Variants in RBM19 observed in about 807,000 individuals in gnomAD.
RBM19 encodes the protein probable RNA-binding protein 19.
Under a neutral mutation model 116.8 loss-of-function variants are expected in RBM19, and 94 were observed. The observed-to-expected ratio is 0.80, with a 90% CI of 0.68 to 0.95. The LOEUF (loss-of-function observed/expected upper bound fraction) is 0.95. RBM19 is among the 40% of genes least tolerant of loss of function. The probability of loss-of-function intolerance (pLI) is 0.00; values close to 1 mark genes in which losing one functional copy is unlikely to be tolerated. For missense variants in RBM19, 1,161 were observed against 1,220.7 expected, an observed-to-expected ratio of 0.95 and a Z score of 0.73; for synonymous variants, 475 against 494.1, an observed-to-expected ratio of 0.96 and a Z score of 0.51.
Position 113,837,555 on chromosome 12 carries a change from G to A in RBM19, c.2785+7113C>T, listed in dbSNP as rs541798841. ...CCACCGTTTCCCTAACGAGGTGGGC[G>A]CTGTGGCCCCATCGTACCAATGACG... On this transcript the variant is annotated intron_variant, in intron 23 of 23. Transcript: ENST00000261741. Among the ~76,000 whole-genome samples the A allele has an allele frequency of 6.4e-4, 98 of 152,334 alleles. 1 individual carries two copies. The highest frequency in any genetic ancestry group is 1.1e-3 in the Non-Finnish European group (72 of 68,034).
rs745796694 is a variant in RBM19, at chr12:113,957,847, T to C, written c.775A>G (p.Lys259Glu). Residue 259 changes from lysine (K) to glutamate (E), a missense_variant, in exon 6 of 24, where the codon AAG (lysine) becomes GAG (glutamate). By Grantham distance (56) the Lys-to-Glu change is moderately conservative. Coordinates refer to ENST00000261741, the MANE Select transcript of RBM19 (RefSeq NM_016196.4). ...ATCCCTTGCTCTTGGCCTGCACCCT[T>C]GCTGTCTCTTTCCTGCAGGACTGGG... ...ATPVLQERDSKGAGQEQGMPA... is the reference protein window; with the variant it reads ...ATPVLQERDSEGAGQEQGMPA... 1.1e-5 allele frequency: 17 copies of C among 1,614,042 alleles called. No individual in the cohort carries two copies. The highest frequency in any genetic ancestry group is 1.4e-5 in the Non-Finnish European group (16 of 1,179,946).
At chr12:113,833,859 T>C (rs138293143) in intron 23 of RBM19, among the ~76,000 whole-genome samples, 4,085 of 152,230 alleles carry the variant, frequency 0.027, 179 homozygotes, top group African/African-American at 0.093. Flanking sequence ...TCCTCCCACC[T>C]CAGCCTCCCG....
At chr12:113,823,405 A>G in intron 23 of RBM19, 84 bp from the exon 24 acceptor site, 3 of 1,209,064 alleles carry the variant, frequency 2.5e-6, no homozygotes, top group Non-Finnish European at 3.6e-6. Context: ...CAGAGGAAGG[A>G]GGGAGAGGGG....
In RBM19 at chr12:113,828,579, G is replaced by T. The variant is rs144760322; in HGVS notation, c.2786-5258C>A. The stretch of plus-strand genomic sequence containing the variant: ...GGCAGAGTGTGGAGGCCAGAATGAG[G>T]CTCCACAATCTTCAGACTCAGTGGT... On this transcript the variant is annotated intron_variant, in intron 23 of 23. Coordinates refer to ENST00000261741, the MANE Select transcript of RBM19 (RefSeq NM_016196.4). Among the ~76,000 whole-genome samples the T allele has an allele frequency of 9.3e-3, 1,411 of 152,252 alleles. 24 individuals carry two copies. Among genetic ancestry groups the T allele is most frequent in the African/African-American group, 0.033 (1,352 of 41,536 alleles).
chr12:113,966,024 G>A (rs979348556), intron 1 of RBM19, 168 bp downstream of exon 1: 2 of 709,420 alleles, frequency 2.8e-6, no homozygotes, highest in Admixed American at 2.7e-5. Flanking sequence ...CTCTTTCCTC[G>A]GGATCAAATG....
In RBM19 at chr12:113,893,026, AT is replaced by A. The variant is rs35688045; in HGVS notation, c.2558+21942del. Among the ~76,000 whole-genome samples the A allele has an allele frequency of 2.6e-3, 364 of 141,056 alleles. 1 individual carries two copies. The highest frequency in any genetic ancestry group is 3.6e-3 in the Middle Eastern group (1 of 274). The allele number at this position is 141,056 out of a possible 152,430, so 92.5% of individuals were successfully genotyped here. ...CTCAATGACCACACTGTAACTATTGATTTTTTTTTTTTTTTTAATAAGAGAG... is the reference window on the plus strand; with the variant it reads ...CTCAATGACCACACTGTAACTATTGATTTTTTTTTTTTTTTAATAAGAGAG... On this transcript the variant is annotated intron_variant, in intron 21 of 23. Coordinates refer to ENST00000261741, the MANE Select transcript of RBM19 (RefSeq NM_016196.4).
chr12:113,882,627 G>T lies in RBM19; in HGVS notation c.2559-23731C>A, dbSNP rs1180800005. Among the ~76,000 whole-genome samples the T allele has an allele frequency of 2.6e-5, 4 of 152,260 alleles. No individual in the cohort carries two copies. In the East Asian group the frequency reaches 7.7e-4, roughly 29 times the overall value. ...TAAATGAGAGCTGGAGGCACGGGGGGAGGGAGAAGACTGAGAATTATGGGA... is the reference window on the plus strand; with the variant it reads ...TAAATGAGAGCTGGAGGCACGGGGGTAGGGAGAAGACTGAGAATTATGGGA... On this transcript the variant is annotated intron_variant, in intron 21 of 23. Coordinates refer to ENST00000261741, the MANE Select transcript of RBM19 (RefSeq NM_016196.4).
chr12:113,858,788 C>T lies in RBM19; in HGVS notation c.2664+3G>A. 5.6e-6 allele frequency: 9 copies of T among 1,613,840 alleles called. No individual in the cohort carries two copies. The highest frequency in any genetic ancestry group is 7.6e-6 in the Non-Finnish European group (9 of 1,179,894). On this transcript the variant is annotated splice_donor_region_variant and intron_variant, in intron 22 of 23. Transcript: ENST00000261741. ...CAGGTGGGGAAGGGATTCACGGTCT[C>T]ACCTTCGCATCCTGCTTGGTGAGGA...
chr12:113,948,189 C>T (rs1205018419), intron 10 of RBM19, among the ~76,000 whole-genome samples: 1 of 152,216 alleles, frequency 6.6e-6, no homozygotes, highest in Non-Finnish European at 1.5e-5. Context: ...TCTGAATAGA[C>T]ATGGGGAGAC....
intron 16 of RBM19, among the ~76,000 whole-genome samples, chr12:113,931,150 A>G (rs1869563897): frequency 6.6e-6 from 1 of 152,184 alleles, no homozygotes; most frequent in Non-Finnish European, 1.5e-5. Flanking sequence ...GTTTAAATGA[A>G]TTGTAAATTA....
rs1236226731 is a variant in RBM19, at chr12:113,959,420, C to A, written c.379-16G>T. 6.3e-7 allele frequency: 1 copy of A among 1,593,740 alleles called. No homozygotes were observed. Among genetic ancestry groups the A allele is most frequent in the Non-Finnish European group, 8.6e-7 (1 of 1,163,700 alleles). On this transcript the variant is annotated splice_polypyrimidine_tract_variant and intron_variant, in intron 4 of 23. Transcript: ENST00000261741. ...CCTCCTTCAGCTGGTGGCACCAGAA[C>A]CCGGGCGGCAGGGACACGGGAAAAA...
intron 23 of RBM19, among the ~76,000 whole-genome samples, chr12:113,833,984 G>T (rs1052683696): frequency 1.1e-4 from 17 of 152,136 alleles, no homozygotes; most frequent in African/African-American, 3.9e-4. Context: ...AGGCTCAAGT[G>T]ATCCTCCTGC....
chr12:113,947,272 A>C (rs1593634271), intron 11 of RBM19, 62 bp downstream of exon 11: 1 of 1,525,252 alleles, frequency 6.6e-7, no homozygotes, highest in Admixed American at 1.9e-5. Flanking sequence ...ACACACACAC[A>C]CCAGCCTTTC....
chr12:113,959,535 A>T, intron 4 of RBM19, 131 bp from the exon 5 acceptor site: 1 of 1,114,010 alleles, frequency 9.0e-7, no homozygotes, highest in Non-Finnish European at 1.3e-6. Flanking sequence ...AATTTCCCCC[A>T]TTCTCTGGAG....
chr12:113,819,155 C>A (rs988365630), downstream of RBM19, among the ~76,000 whole-genome samples: 5 of 152,208 alleles, frequency 3.3e-5, no homozygotes, highest in Non-Finnish European at 5.9e-5. Context: ...GTGAGGACAG[C>A]AGATGCGGTT....
chr12:113,863,449 C>T (rs773104620), intron 21 of RBM19, among the ~76,000 whole-genome samples: 13 of 152,162 alleles, frequency 8.5e-5, no homozygotes, highest in African/African-American at 2.2e-4. Context: ...TCCAGAGATG[C>T]GGAGCTGGAC....
intron 17 of RBM19, among the ~76,000 whole-genome samples, chr12:113,925,436 T>A (rs952244917): frequency 6.6e-6 from 1 of 152,154 alleles, no homozygotes; most frequent in Non-Finnish European, 1.5e-5. Context: ...AACAACTCCA[T>A]GAGAAGAGTC....
chr12:113,926,354 C>T (rs1869069552), intron 17 of RBM19, among the ~76,000 whole-genome samples: 1 of 152,180 alleles, frequency 6.6e-6, no homozygotes, highest in Admixed American at 6.5e-5. Flanking sequence ...TGCTGTTATT[C>T]ATTAAAACAG....
chr12:113,951,338 A>G (rs1203326826), intron 8 of RBM19, among the ~76,000 whole-genome samples: 1 of 151,826 alleles, frequency 6.6e-6, no homozygotes, highest in African/African-American at 2.4e-5. Flanking sequence ...CAACTCAGAT[A>G]TGTTTCTTCC....
Sources: allele counts gnomAD v4.1 joint callset (sites outside exome capture counted in the v4.1 genomes callset), GRCh38; gene constraint gnomAD v4.1.1; transcripts MANE v1.5; gene names NCBI Gene and HGNC (gene_info 2026-07-23, HGNC 2026-07-21).